Variants in HTR3C observed in about 807,000 individuals in gnomAD.
The protein encoded by HTR3C is 5-HT3-C.
Under a neutral mutation model 40.5 loss-of-function variants are expected in HTR3C, and 32 were observed. The observed-to-expected ratio is 0.79, with a 90% CI of 0.60 to 1.06. The LOEUF (loss-of-function observed/expected upper bound fraction) is 1.06, where lower values mean the gene tolerates loss of function less well. HTR3C is among the 50% of genes least tolerant of loss of function. The pLI is 0.00. For missense variants in HTR3C, 523 were observed against 556.8 expected (o/e 0.94, Z 0.61); for synonymous variants, 209 against 217.1 (o/e 0.96, Z 0.33).
chr3:184,059,364 A>T, intron 6 of HTR3C, 72 bp from the exon 7 acceptor site: 1 of 1,390,768 alleles, frequency 7.2e-7, no homozygotes, highest in Admixed American at 1.7e-5. Context: ...ATTGGCAAAG[A>T]TTAGGGGTCA....
At chr3:184,058,389 G>T (rs1206907558) in intron 5 of HTR3C, 38 bp from the exon 6 acceptor site, 1 of 1,530,208 alleles carries the variant, frequency 6.5e-7, no homozygotes, top group Admixed American at 2.3e-5. Flanking sequence ...GGAGGCTTGG[G>T]AAAACGTCTG....
chr3:184,059,847 C>T lies in HTR3C; in HGVS notation c.945C>T (p.Cys315=), dbSNP rs1354056805. Residue 315 remains cysteine, a synonymous_variant, in exon 8 of 9, where the codon TGC becomes TGT. Coordinates refer to ENST00000318351, the MANE Select transcript of HTR3C (RefSeq NM_130770.3). ...TPLISVYFAL[C]LSLMVVSLLE... ...CCTCAGGTGTCTACTTCGCCCTGTG[C>T]CTGTCCCTGATGGTGGTCAGCCTGC... 3.7e-6 allele frequency: 6 copies of T among 1,613,990 alleles called. 1 individual carries two copies. In the South Asian group the frequency reaches 5.5e-5, roughly 15 times the overall value.
In HTR3C at chr3:184,055,884, CAAAA is replaced by C. The variant is rs71185686; in HGVS notation, c.280-267_280-264del. ...TCTTAGGAAGGTTGAAATAGCAACT[CAAAA>C]AAAAAAAAAAAAAAAAAAAAAAAAA... On this transcript the variant is annotated intron_variant, in intron 3 of 8. Transcript: ENST00000318351. 8.5e-4 allele frequency among the ~76,000 whole-genome samples: 26 copies of C among 30,706 alleles called. 1 individual carries two copies. Among genetic ancestry groups the C allele is most frequent in the Middle Eastern group, 0.045 (1 of 22 alleles). The allele number at this position is 30,706 out of a possible 152,430, so 20.1% of individuals were successfully genotyped here. A position where few individuals can be genotyped will look rare whatever the true frequency, so the allele number is the denominator to read the frequency against.
Position 184,056,978 on chromosome 3 carries a change from G to A in HTR3C, c.493G>A (p.Asp165Asn), listed in dbSNP as rs756217477. The A allele has an allele frequency of 3.1e-6, 5 of 1,613,572 alleles. No individual in the cohort carries two copies. The highest frequency in any genetic ancestry group is 2.2e-5 in the East Asian group (1 of 44,868). The change falls in exon 5 of 9, where the codon GAC (aspartate) becomes AAC (asparagine). Residue 165 changes from aspartate (D) to asparagine (N), a missense_variant. Physicochemically the swap from Asp to Asn is conservative, Grantham distance 23. Coordinates refer to ENST00000318351, the MANE Select transcript of HTR3C (RefSeq NM_130770.3). ...PMRVTSICNL[D>N]IFYFPFDQQN... is the part of the protein sequence containing the mutation. ...GAGGGTGACCAGCATCTGTAACCTG[G>A]ACATCTTCTACTTCCCTTTTGACCA...
chr3:184,054,378 A>G (rs115149771), intron 1 of HTR3C, among the ~76,000 whole-genome samples: 18 of 152,300 alleles, frequency 1.2e-4, no homozygotes, highest in African/African-American at 3.8e-4. Context: ...GGGCAGTTCT[A>G]CTGCTAGGTG....
chr3:184,055,302 T>C lies in HTR3C; in HGVS notation c.235-10T>C. ...ACACTAATAATCCTGAGTGGAAATT[T>C]CCTTGTCAGGATGCACAGCTCCAGC... is the stretch of plus-strand genomic sequence containing the variant. On this transcript the variant is annotated splice_polypyrimidine_tract_variant and intron_variant, in intron 2 of 8. Coordinates refer to ENST00000318351, the MANE Select transcript of HTR3C (RefSeq NM_130770.3). 6.2e-7 allele frequency: 1 copy of C among 1,603,680 alleles called. No individual in the cohort carries two copies. Among genetic ancestry groups the C allele is most frequent in the Non-Finnish European group, 8.5e-7 (1 of 1,170,424 alleles).
rs1380962946 is a variant in HTR3C at position 184,058,529 on chromosome 3, A to G, written c.662A>G (p.Asn221Ser). 7 of 1,613,732 alleles carry G rather than the reference A, an allele frequency of 4.3e-6. No homozygotes were observed. The highest frequency in any genetic ancestry group is 5.9e-6 in the Non-Finnish European group (7 of 1,179,864). ...TQGEWELLGI[N>S]KATPKMSMGN... ...GGGGAGTGGGAGCTCTTGGGCATCA[A>G]CAAGGCCACCCCAAAGATGTCCATG... Residue 221 changes from asparagine (N) to serine (S), a missense_variant, in exon 6 of 9, where the codon AAC becomes AGC. By Grantham distance (46) the Asn-to-Ser change is conservative. Coordinates refer to ENST00000318351, the MANE Select transcript of HTR3C (RefSeq NM_130770.3).
intron 1 of HTR3C, among the ~76,000 whole-genome samples, chr3:184,054,198 C>T (rs7648564): frequency 0.66 from 100,317 of 152,128 alleles, 34,030 homozygotes; most frequent in African/African-American, 0.83. Context: ...GGTAAGCACC[C>T]AGTCAGATAC....
chr3:184,056,851 C>A, intron 4 of HTR3C, 24 bp from the exon 5 acceptor site: 1 of 1,566,422 alleles, frequency 6.4e-7, no homozygotes, highest in Non-Finnish European at 8.7e-7. Context: ...AAGCCTCCAT[C>A]TCTTCCCTCC....
At chr3:184,058,280 G>A (rs373080296) in intron 5 of HTR3C, 147 bp from the exon 6 acceptor site, 20 of 691,152 alleles carry the variant, frequency 2.9e-5, no homozygotes, top group Admixed American at 1.9e-4. Flanking sequence ...TGCTAGTCGG[G>A]TAACCCACTT....
intron 5 of HTR3C, among the ~76,000 whole-genome samples, chr3:184,057,733 TCAAAACAAAACAAAA>T (rs68137954): frequency 1.3e-5 from 2 of 150,374 alleles, no homozygotes; most frequent in South Asian, 4.2e-4. Flanking sequence ...AGACTCCGTC[TCAAAACAAAACAAAA>T]CAAAACAAAA....
rs767903975 is a variant in HTR3C, at chr3:184,058,600, G to T, written c.720+13G>T. 4 of 1,603,334 alleles carry T rather than the reference G, an allele frequency of 2.5e-6. No homozygotes were observed. The South Asian group carries it at 3.4e-5, about 14-fold the overall frequency. ...GATCATGTTTTATGTGAGTCCAGGGGCCCCTGTTTGACTTCTGATCCCAGC... is the reference window on the plus strand; with the variant it reads ...GATCATGTTTTATGTGAGTCCAGGGTCCCCTGTTTGACTTCTGATCCCAGC... On this transcript the variant is annotated intron_variant, in intron 6 of 8. Coordinates refer to ENST00000318351, the MANE Select transcript of HTR3C (RefSeq NM_130770.3).
rs368053003 is a variant in HTR3C at position 184,053,536 on chromosome 3, G to T, written c.67+389G>T. On this transcript the variant is annotated intron_variant, in intron 1 of 8. Transcript: ENST00000318351. ...GGAGGGGACAATCTGAGGTGGAAAT[G>T]AGCAGATATTTTGCTTCCATGAGGT... 9.2e-5 allele frequency among the ~76,000 whole-genome samples: 14 copies of T among 152,284 alleles called. No individual in the cohort carries two copies. In the South Asian group the frequency reaches 2.9e-3, roughly 32 times the overall value.
chr3:184,059,051 C>A (rs1723388112), intron 6 of HTR3C, among the ~76,000 whole-genome samples: 1 of 152,180 alleles, frequency 6.6e-6, no homozygotes, highest in Non-Finnish European at 1.5e-5. Flanking sequence ...TGCCCTGAAG[C>A]AGGATCCCCA....
intron 5 of HTR3C, among the ~76,000 whole-genome samples, chr3:184,057,708 C>T (rs899975219): frequency 1.3e-5 from 2 of 152,074 alleles, no homozygotes; most frequent in Non-Finnish European, 2.9e-5. Flanking sequence ...GCACTCCAGC[C>T]TGGGCGACAG....
chr3:184,058,796 C>T (rs1434112235), intron 6 of HTR3C, among the ~76,000 whole-genome samples: 3 of 151,908 alleles, frequency 2.0e-5, no homozygotes, highest in Non-Finnish European at 4.4e-5. Context: ...AACCCCGTCT[C>T]TAATTTAAAA....
chr3:184,056,215 G>A lies in HTR3C; in HGVS notation c.318G>A (p.Glu106=), dbSNP rs749156610. The A allele has an allele frequency of 1.2e-6, 2 of 1,613,884 alleles. No individual in the cohort carries two copies. The highest frequency in any genetic ancestry group is 8.5e-7 in the Non-Finnish European group (1 of 1,179,870). Residue 106 remains glutamate, a synonymous_variant, in exon 4 of 9, where the codon GAG becomes GAA. Coordinates refer to ENST00000318351, the MANE Select transcript of HTR3C (RefSeq NM_130770.3). ...CTTTCATTAATTGGAACCCAAAAGA[G>A]TGTGTTGGCATCAATAAACTCACAG... ...DNPFINWNPK[E]CVGINKLTVL...
At position 184,053,159 on chromosome 3, in the gene HTR3C, C is replaced by T. The variant is rs368129778; in HGVS notation, c.67+12C>T. The T allele has an allele frequency of 5.0e-5, 81 of 1,609,970 alleles. No individual in the cohort carries two copies. The highest frequency in any genetic ancestry group is 1.6e-4 in the Middle Eastern group (1 of 6,078). ...TCTTCTGCTTCAAGGTAAGATGGGA[C>T]GAGAACAGGGAAGACCAGAGTGTGG... On this transcript the variant is annotated intron_variant, in intron 1 of 8. Transcript: ENST00000318351.
At chr3:184,053,365 T>C (rs1043962761) in intron 1 of HTR3C, among the ~76,000 whole-genome samples, 5 of 152,148 alleles carry the variant, frequency 3.3e-5, no homozygotes, top group African/African-American at 9.7e-5. Flanking sequence ...TATCAAACTG[T>C]CTCATTTCAC....
Sources: allele counts gnomAD v4.1 joint callset (sites outside exome capture counted in the v4.1 genomes callset), GRCh38; gene constraint gnomAD v4.1.1; transcripts MANE v1.5; gene names NCBI Gene and HGNC (gene_info 2026-07-23, HGNC 2026-07-21).